The following SUGCT variants were observed in gnomAD, a reference collection of about 807,000 sequenced individuals.
The protein encoded by SUGCT is succinyl-CoA:glutarate CoA-transferase.
A neutral mutation model predicts 55.0 loss-of-function variants in SUGCT; 41 were observed. That is an observed-to-expected ratio of 0.74 (90% CI 0.58 to 0.97). The LOEUF (loss-of-function observed/expected upper bound fraction) is 0.97. Ranked by LOEUF, SUGCT falls within the 50% of genes least tolerant of loss-of-function variation. The pLI is 0.00. For missense variants in SUGCT, 568 were observed against 547.8 expected (o/e 1.04, Z -0.37); for synonymous variants, 187 against 200.4 (o/e 0.93, Z 0.56).
At chr7:40,727,787 G>A (rs1786682017) in intron 12 of SUGCT, among the ~76,000 whole-genome samples, 1 of 152,306 alleles carries the variant, frequency 6.6e-6, no homozygotes, top group South Asian at 2.1e-4. Context: ...TATTAAGAAA[G>A]AAGTGTTAAT....
chr7:40,483,672 A>G lies in SUGCT; in HGVS notation c.987-12612A>G, dbSNP rs548784696. Among the ~76,000 whole-genome samples the G allele has an allele frequency of 4.0e-5, 6 of 149,984 alleles. No individual in the cohort carries two copies. In the South Asian group the frequency reaches 1.3e-3, roughly 32 times the overall value. ...TTCTAGACTAGTACAAAATTCCTGT[A>G]AGTCCATAAGAAGACAGTTTCACTG... On this transcript the variant is annotated intron_variant, in intron 11 of 13. Transcript: ENST00000335693.
intron 12 of SUGCT, among the ~76,000 whole-genome samples, chr7:40,532,244 G>A (rs1320123638): frequency 6.6e-6 from 1 of 152,196 alleles, no homozygotes; most frequent in Non-Finnish European, 1.5e-5. Flanking sequence ...AACATTTTAA[G>A]TATTTAGTTT....
intron 13 of SUGCT, among the ~76,000 whole-genome samples, chr7:40,850,381 A>G (rs1432145621): frequency 6.6e-6 from 1 of 152,232 alleles, no homozygotes; most frequent in Non-Finnish European, 1.5e-5. Flanking sequence ...AGGACTGAGC[A>G]AAATGAATGA....
chr7:40,878,994 A>G, the SUGCT span, among the ~76,000 whole-genome samples: 9 of 151,902 alleles, frequency 5.9e-5, no homozygotes. Flanking sequence ...GGGTTTCACC[A>G]TGTTGGCCAG....
intron 9 of SUGCT, among the ~76,000 whole-genome samples, chr7:40,379,513 C>T (rs1437570588): frequency 6.6e-6 from 1 of 152,132 alleles, no homozygotes; most frequent in South Asian, 2.1e-4. Context: ...TATATGCTGG[C>T]TCTTTTTTTA....
chr7:40,892,984 G>A, the SUGCT span, among the ~76,000 whole-genome samples: 1 of 152,064 alleles, frequency 6.6e-6, no homozygotes, highest in Non-Finnish European at 1.5e-5. Flanking sequence ...AAGATATTTT[G>A]TGCAAATAGT....
At chr7:40,650,609 C>A (rs968584510) in intron 12 of SUGCT, among the ~76,000 whole-genome samples, 10 of 152,186 alleles carry the variant, frequency 6.6e-5, no homozygotes, top group Non-Finnish European at 1.5e-4. Context: ...ATCAGATACT[C>A]CTCCATTTTC....
intron 13 of SUGCT, among the ~76,000 whole-genome samples, chr7:40,789,565 A>G (rs1790204039): frequency 6.6e-6 from 1 of 152,112 alleles, no homozygotes; most frequent in Non-Finnish European, 1.5e-5. Flanking sequence ...GTTACTATGC[A>G]TAGTGCTGCA....
chr7:40,605,062 G>A lies in SUGCT; in HGVS notation c.1089+108676G>A, dbSNP rs75598244. 8.2e-3 allele frequency among the ~76,000 whole-genome samples: 1,245 copies of A among 152,334 alleles called. 15 individuals carry two copies. Among genetic ancestry groups the A allele is most frequent in the African/African-American group, 0.025 (1,048 of 41,574 alleles). On this transcript the variant is annotated intron_variant, in intron 12 of 13. Transcript: ENST00000335693. The stretch of plus-strand genomic sequence containing the variant: ...GCAGCACACGCGTCCGCCTCTCAGC[G>A]CCTGGCTTAAAGAATTTCAAGCTTT...
intron 12 of SUGCT, among the ~76,000 whole-genome samples, chr7:40,668,376 T>C (rs1312197257): frequency 1.3e-5 from 2 of 152,204 alleles, no homozygotes; most frequent in Admixed American, 1.3e-4. Flanking sequence ...ATATGAATAG[T>C]TGTAGATTCA....
At chr7:40,596,430 A>G (rs1798012655) in intron 12 of SUGCT, among the ~76,000 whole-genome samples, 1 of 152,214 alleles carries the variant, frequency 6.6e-6, no homozygotes, top group Admixed American at 6.5e-5. Flanking sequence ...CACTTTGGTA[A>G]CATTGAATAT....
chr7:40,953,245 G>T, the SUGCT span, among the ~76,000 whole-genome samples: 1 of 151,980 alleles, frequency 6.6e-6, no homozygotes, highest in African/African-American at 2.4e-5. Context: ...TGATCGAATC[G>T]GCTACTGAAG....
At chr7:40,392,454 A>G (rs901580442) in intron 9 of SUGCT, among the ~76,000 whole-genome samples, 3 of 151,894 alleles carry the variant, frequency 2.0e-5, no homozygotes, top group Admixed American at 6.6e-5. Context: ...GGTAGAGGGT[A>G]ATGGGTGGGG....
intron 12 of SUGCT, among the ~76,000 whole-genome samples, chr7:40,690,735 CCTGA>C (rs1214173127): frequency 1.3e-5 from 2 of 152,002 alleles, no homozygotes; most frequent in African/African-American, 4.8e-5. Flanking sequence ...TGCCTGACTG[CCTGA>C]CTAATTTTTG....
At chr7:40,476,280 A>T (rs527937328) in intron 11 of SUGCT, among the ~76,000 whole-genome samples, 1 of 152,304 alleles carries the variant, frequency 6.6e-6, no homozygotes, top group African/African-American at 2.4e-5. Context: ...TGTCAAGGCT[A>T]TGTGGAACAG....
chr7:40,673,153 T>C (rs1802025003), intron 12 of SUGCT, among the ~76,000 whole-genome samples: 2 of 152,262 alleles, frequency 1.3e-5, no homozygotes, highest in South Asian at 4.1e-4. Flanking sequence ...TGGAAAATTC[T>C]ATTTTGTTTA....
chr7:40,350,055 A>G (rs764355401), intron 9 of SUGCT, among the ~76,000 whole-genome samples: 1 of 152,072 alleles, frequency 6.6e-6, no homozygotes, highest in South Asian at 2.1e-4. Context: ...TGGTGATTTC[A>G]TTTATTTTGG....
At chr7:40,670,389 A>G (rs1430658257) in intron 12 of SUGCT, among the ~76,000 whole-genome samples, 1 of 152,132 alleles carries the variant, frequency 6.6e-6, no homozygotes, top group Non-Finnish European at 1.5e-5. Flanking sequence ...TGAAAAGACC[A>G]ATAAAATTGA....
At chr7:40,812,132 T>A (rs1263021990) in intron 13 of SUGCT, among the ~76,000 whole-genome samples, 1 of 152,128 alleles carries the variant, frequency 6.6e-6, no homozygotes, top group African/African-American at 2.4e-5. Context: ...CAAATTAACT[T>A]TTTTTGTGTC....
Sources: allele counts gnomAD v4.1 joint callset (sites outside exome capture counted in the v4.1 genomes callset), GRCh38; gene constraint gnomAD v4.1.1; transcripts MANE v1.5; gene names NCBI Gene and HGNC (gene_info 2026-07-23, HGNC 2026-07-21).